NLGN1: variants seen among roughly 807,000 people sequenced by gnomAD.
NLGN1 encodes neuroligin-1.
In NLGN1, 12 loss-of-function variants were observed where a neutral mutation model predicts 65.5. The observed-to-expected ratio is 0.18, with a 90% confidence interval of 0.12 to 0.30. The LOEUF is 0.30. Ranked by LOEUF, NLGN1 falls within the 10% of genes least tolerant of loss-of-function variation. The pLI, the probability that NLGN1 is intolerant of heterozygous loss-of-function variation, is 1.00. For synonymous variants in NLGN1, 350 were observed against 359.5 expected (o/e 0.97, Z 0.30); for missense variants, 750 against 1,007.1 (o/e 0.74, Z 3.46).
intron 4 of NLGN1, among the ~76,000 whole-genome samples, chr3:174,226,171 A>G (rs966238033): frequency 2.0e-5 from 3 of 152,168 alleles, no homozygotes; most frequent in Non-Finnish European, 4.4e-5. Flanking sequence ...TGAAGAAAGC[A>G]TGGAAGTTCT....
intron 4 of NLGN1, among the ~76,000 whole-genome samples, chr3:174,101,709 G>A (rs1712535018): frequency 6.6e-6 from 1 of 152,078 alleles, no homozygotes; most frequent in Non-Finnish European, 1.5e-5. Flanking sequence ...TCGCACAATA[G>A]TGCCCACACT....
chr3:173,413,181 A>ACT (rs1712956387), intron 1 of NLGN1, among the ~76,000 whole-genome samples: 1 of 151,964 alleles, frequency 6.6e-6, no homozygotes, highest in African/African-American at 2.4e-5. Context: ...ATGCAATGTG[A>ACT]CTGTGATCTA....
At chr3:173,891,490 C>T (rs1735321945) in intron 4 of NLGN1, among the ~76,000 whole-genome samples, 1 of 152,158 alleles carries the variant, frequency 6.6e-6, no homozygotes, top group African/African-American at 2.4e-5. Flanking sequence ...ATGTGTTATG[C>T]CCTTTGCCCA....
chr3:173,650,147 A>G (rs140592981), intron 3 of NLGN1, among the ~76,000 whole-genome samples: 1 of 149,188 alleles, frequency 6.7e-6, no homozygotes. Context: ...GATTTTTTTT[A>G]ACTTAATACA....
At chr3:174,205,550 T>A (rs372911752) in intron 4 of NLGN1, among the ~76,000 whole-genome samples, 1 of 152,208 alleles carries the variant, frequency 6.6e-6, no homozygotes, top group African/African-American at 2.4e-5. Flanking sequence ...GATTTTGCTG[T>A]CATAGTATCT....
At position 173,417,757 on chromosome 3, in the gene NLGN1, A is replaced by G. The variant is rs1714085733; in HGVS notation, c.-389-17253A>G. Among the ~76,000 whole-genome samples, 3 of 152,038 alleles carry G rather than the reference A, an allele frequency of 2.0e-5. No homozygotes were observed. In the South Asian group the frequency reaches 6.2e-4, roughly 31 times the overall value. ...TGTACATGTAACTTGTGTAACAGAT[A>G]TTGTAATACAAAACATAAAGGGAAT... is the stretch of plus-strand genomic sequence containing the variant. On this transcript the variant is annotated intron_variant, in intron 1 of 6. Coordinates refer to ENST00000457714, the Ensembl canonical transcript of NLGN1.
At chr3:173,445,766 A>C (rs1720153168) in intron 2 of NLGN1, among the ~76,000 whole-genome samples, 1 of 152,186 alleles carries the variant, frequency 6.6e-6, no homozygotes, top group East Asian at 1.9e-4. Flanking sequence ...TGCACCAGGG[A>C]AGCCAAGCAT....
At chr3:173,943,606 TAATG>T (rs1746549251) in intron 4 of NLGN1, among the ~76,000 whole-genome samples, 1 of 152,236 alleles carries the variant, frequency 6.6e-6, no homozygotes, top group South Asian at 2.1e-4. Flanking sequence ...TAAGACTTGA[TAATG>T]AATCAATGAT....
intron 4 of NLGN1, among the ~76,000 whole-genome samples, chr3:173,999,833 G>T (rs1473165123): frequency 1.3e-5 from 2 of 152,082 alleles, no homozygotes; most frequent in East Asian, 3.9e-4. Context: ...GTGAAAACAT[G>T]TTACTAATAA....
intron 4 of NLGN1, among the ~76,000 whole-genome samples, chr3:173,847,440 A>G (rs749204820): frequency 3.9e-5 from 6 of 152,180 alleles, no homozygotes; most frequent in Non-Finnish European, 7.3e-5. Flanking sequence ...CAAGTGCTCA[A>G]TTCTTCAGAT....
intron 2 of NLGN1, among the ~76,000 whole-genome samples, chr3:173,545,902 C>G (rs374413056): frequency 1.3e-5 from 2 of 151,594 alleles, no homozygotes; most frequent in African/African-American, 4.9e-5. Context: ...AATGAGAACA[C>G]ATGGACACAG....
chr3:174,053,478 A>G (rs1273589312), intron 4 of NLGN1, among the ~76,000 whole-genome samples: 1 of 151,990 alleles, frequency 6.6e-6, no homozygotes. Context: ...CTGTTTTTTC[A>G]GTGGGTTTAC....
intron 3 of NLGN1, among the ~76,000 whole-genome samples, chr3:173,606,864 CT>C (rs1361749419): frequency 6.6e-6 from 1 of 151,902 alleles, no homozygotes; most frequent in South Asian, 2.1e-4. Flanking sequence ...AAAAAAGTCT[CT>C]TTTTTTCTGC....
intron 4 of NLGN1, among the ~76,000 whole-genome samples, chr3:174,056,672 T>A (rs1050795704): frequency 2.0e-5 from 3 of 152,036 alleles, no homozygotes; most frequent in African/African-American, 7.2e-5. Flanking sequence ...TTTCCCATAA[T>A]GAACCATTTA....
In NLGN1 at chr3:173,518,401, T is replaced by C. The variant is rs145686202; in HGVS notation, c.-321+83323T>C. Among the ~76,000 whole-genome samples, 393 of 151,522 alleles carry C rather than the reference T, an allele frequency of 2.6e-3. 2 individuals are homozygous for C. Among genetic ancestry groups the C allele is most frequent in the African/African-American group, 8.5e-3 (353 of 41,396 alleles). On this transcript the variant is annotated intron_variant, in intron 2 of 6. Transcript: ENST00000457714. ...ACAGAGTTATAGATATTTATATGTATATACATATATAGTTACATTTACTGT... is the reference window on the plus strand; with the variant it reads ...ACAGAGTTATAGATATTTATATGTACATACATATATAGTTACATTTACTGT...
intron 2 of NLGN1, among the ~76,000 whole-genome samples, chr3:173,562,343 C>T (rs979696273): frequency 1.3e-5 from 2 of 152,078 alleles, no homozygotes; most frequent in Admixed American, 6.5e-5. Context: ...CCAAGGTGAG[C>T]GGATCATGAG....
intron 1 of NLGN1, among the ~76,000 whole-genome samples, chr3:173,411,014 A>G (rs1049959228): frequency 3.9e-5 from 6 of 152,232 alleles, no homozygotes; most frequent in African/African-American, 1.4e-4. Flanking sequence ...TCACAGTTAC[A>G]GCTCCGCTGG....
intron 3 of NLGN1, among the ~76,000 whole-genome samples, chr3:173,712,791 C>A (rs1054339788): frequency 8.6e-5 from 13 of 151,200 alleles, no homozygotes; most frequent in Non-Finnish European, 1.8e-4. Context: ...AAACTTGAGG[C>A]GTTAAAATTT....
intron 2 of NLGN1, among the ~76,000 whole-genome samples, chr3:173,570,403 G>A (rs1206025877): frequency 1.3e-5 from 2 of 152,208 alleles, no homozygotes; most frequent in African/African-American, 4.8e-5. Context: ...CCAGCTTGGA[G>A]GTGGTAGCTG....
Sources: allele counts gnomAD v4.1 joint callset (sites outside exome capture counted in the v4.1 genomes callset), GRCh38; gene constraint gnomAD v4.1.1; transcripts MANE v1.5; gene names NCBI Gene and HGNC (gene_info 2026-07-23, HGNC 2026-07-21).